The following GALNT10 variants were observed in gnomAD, a reference collection of about 807,000 sequenced individuals.
The protein encoded by GALNT10 is GalNAc transferase 10.
In GALNT10, 41 loss-of-function variants were observed where a neutral mutation model predicts 75.0. The observed-to-expected ratio is 0.55, with a 90% CI of 0.43 to 0.71. The LOEUF (loss-of-function observed/expected upper bound fraction) is 0.71, where lower values mean the gene tolerates loss of function less well. Among genes scored for constraint, GALNT10 ranks in the 30% least tolerant of loss-of-function variants. The pLI, the probability that GALNT10 is intolerant of heterozygous loss-of-function variation, is 0.00. For missense variants in GALNT10, 727 were observed against 818.5 expected, an observed-to-expected ratio of 0.89 and a Z score of 1.36; for synonymous variants, 302 against 313.0, an observed-to-expected ratio of 0.96 and a Z score of 0.37.
intron 1 of GALNT10, among the ~76,000 whole-genome samples, chr5:154,272,816 A>G (rs1753886717): frequency 6.6e-6 from 1 of 152,182 alleles, no homozygotes; most frequent in Non-Finnish European, 1.5e-5. Flanking sequence ...TCTATGGGAG[A>G]AAGAGGCTCG....
chr5:154,282,623 T>A (rs901690857), intron 1 of GALNT10, among the ~76,000 whole-genome samples: 2 of 152,202 alleles, frequency 1.3e-5, no homozygotes, highest in Non-Finnish European at 2.9e-5. Flanking sequence ...TGCATCTTTT[T>A]AAAAATTATT....
At chr5:154,231,025 G>A (rs1239877387) in intron 1 of GALNT10, among the ~76,000 whole-genome samples, 2 of 152,230 alleles carry the variant, frequency 1.3e-5, no homozygotes, top group Non-Finnish European at 2.9e-5. Context: ...CCACGAACCA[G>A]CTTTGTGAAC....
At chr5:154,396,471 A>G (rs1022962099) in intron 7 of GALNT10, among the ~76,000 whole-genome samples, 4 of 152,100 alleles carry the variant, frequency 2.6e-5, no homozygotes, top group African/African-American at 9.7e-5. Flanking sequence ...ATCTTTGAGG[A>G]AGACCATGAT....
intron 3 of GALNT10, among the ~76,000 whole-genome samples, chr5:154,305,738 C>A (rs1196621751): frequency 6.6e-6 from 1 of 152,178 alleles, no homozygotes; most frequent in Admixed American, 6.5e-5. Context: ...TAAGGAGAGG[C>A]CGGGCACAGT....
At chr5:154,234,927 C>CA (rs1753222161) in intron 1 of GALNT10, among the ~76,000 whole-genome samples, 1 of 152,190 alleles carries the variant, frequency 6.6e-6, no homozygotes, top group Admixed American at 6.5e-5. Context: ...GTGGACTAGA[C>CA]ACCCTTTAGC....
chr5:154,243,706 A>T (rs1753375789), intron 1 of GALNT10, among the ~76,000 whole-genome samples: 2 of 152,234 alleles, frequency 1.3e-5, no homozygotes, highest in Non-Finnish European at 2.9e-5. Context: ...TCACAGAGTA[A>T]ACCGTTGATG....
At chr5:154,331,343 T>TG (rs1001774096) in intron 4 of GALNT10, among the ~76,000 whole-genome samples, 2 of 152,104 alleles carry the variant, frequency 1.3e-5, no homozygotes, top group African/African-American at 4.8e-5. Context: ...CTGCTGGTGG[T>TG]GGGGGTGTGC....
At chr5:154,200,278 C>T (rs1775006077) in intron 1 of GALNT10, among the ~76,000 whole-genome samples, 2 of 152,184 alleles carry the variant, frequency 1.3e-5, no homozygotes, top group Non-Finnish European at 1.5e-5. Flanking sequence ...CAGCCTCTCA[C>T]GAGCCCAGTT....
intron 3 of GALNT10, among the ~76,000 whole-genome samples, chr5:154,303,691 T>C (rs998082244): frequency 2.6e-5 from 4 of 152,158 alleles, no homozygotes; most frequent in Non-Finnish European, 4.4e-5. Context: ...TCTAAAAATA[T>C]CATAAATTAT....
intron 1 of GALNT10, among the ~76,000 whole-genome samples, chr5:154,259,868 G>C (rs1345932017): frequency 6.6e-6 from 1 of 152,162 alleles, no homozygotes; most frequent in Non-Finnish European, 1.5e-5. Flanking sequence ...ATACCAATCA[G>C]CAAACATGTA....
intron 1 of GALNT10, among the ~76,000 whole-genome samples, chr5:154,257,960 G>A (rs998224294): frequency 6.6e-6 from 1 of 152,024 alleles, no homozygotes; most frequent in African/African-American, 2.4e-5. Flanking sequence ...GAGCCTTTTT[G>A]CATCATGCTT....
intron 1 of GALNT10, among the ~76,000 whole-genome samples, chr5:154,231,053 C>T (rs150450769): frequency 1.8e-4 from 28 of 152,362 alleles, no homozygotes; most frequent in Non-Finnish European, 4.1e-4. Context: ...GCCTGGCCTT[C>T]CTAGGCCTCC....
At chr5:154,327,402 G>A (rs541973594) in intron 3 of GALNT10, among the ~76,000 whole-genome samples, 1 of 152,156 alleles carries the variant, frequency 6.6e-6, no homozygotes, top group South Asian at 2.1e-4. Flanking sequence ...CAGGAAATGT[G>A]TGAGTTAAGC....
At chr5:154,241,983 C>G (rs767580252) in intron 1 of GALNT10, among the ~76,000 whole-genome samples, 3 of 152,154 alleles carry the variant, frequency 2.0e-5, no homozygotes, top group Non-Finnish European at 2.9e-5. Flanking sequence ...TCTTCATCAC[C>G]ATCACCACCA....
intron 3 of GALNT10, among the ~76,000 whole-genome samples, chr5:154,301,570 T>G (rs563417936): frequency 9.2e-5 from 14 of 151,356 alleles, no homozygotes; most frequent in East Asian, 5.8e-4. Context: ...TTGTTTTTTT[T>G]TTTTTTTGAG....
chr5:154,217,004 C>T (rs1268656739), intron 1 of GALNT10, among the ~76,000 whole-genome samples: 1 of 152,192 alleles, frequency 6.6e-6, no homozygotes, highest in African/African-American at 2.4e-5. Flanking sequence ...AATTATGAGA[C>T]CGTTGTTACC....
At chr5:154,345,784 C>T (rs1347297170) in intron 4 of GALNT10, among the ~76,000 whole-genome samples, 3 of 149,286 alleles carry the variant, frequency 2.0e-5, no homozygotes, top group Non-Finnish European at 3.0e-5. Context: ...TACAGGCCTG[C>T]ACCACTACAC....
intron 1 of GALNT10, among the ~76,000 whole-genome samples, chr5:154,264,567 A>G (rs1260154196): frequency 6.6e-6 from 1 of 152,110 alleles, no homozygotes; most frequent in East Asian, 1.9e-4. Flanking sequence ...AATATTAACA[A>G]TCGGTAAATC....
chr5:154,224,329 G>A (rs571183741), intron 1 of GALNT10, among the ~76,000 whole-genome samples: 5 of 152,312 alleles, frequency 3.3e-5, no homozygotes, highest in African/African-American at 1.2e-4. Context: ...AAAAGTAGTA[G>A]CCACCTTCCC....
Sources: gnomAD v4.1 joint callset for allele counts (sites outside exome capture counted in the v4.1 genomes callset) on GRCh38, gnomAD v4.1.1 for gene constraint, MANE v1.5 for transcripts, NCBI Gene and HGNC (gene_info 2026-07-23, HGNC 2026-07-21) for gene names.